The following KLHL32 variants were observed in gnomAD, a reference collection of about 807,000 sequenced individuals.
The protein encoded by KLHL32 is kelch like family member 32, also known as kelch-like protein 32.
A neutral mutation model predicts 64.8 loss-of-function variants in KLHL32; 35 were observed. The observed-to-expected ratio is 0.54, with a 90% confidence interval of 0.41 to 0.72. The LOEUF (loss-of-function observed/expected upper bound fraction) is 0.72, where lower values mean the gene tolerates loss of function less well. Among genes scored for constraint, KLHL32 ranks in the 30% least tolerant of loss-of-function variants. The pLI is 0.00. For synonymous variants in KLHL32, 259 were observed against 281.0 expected (o/e 0.92, Z 0.78); for missense variants, 589 against 768.5 (o/e 0.77, Z 2.76).
intron 5 of KLHL32, among the ~76,000 whole-genome samples, chr6:97,077,866 A>G (rs1485966532): frequency 2.6e-5 from 4 of 152,234 alleles, no homozygotes; most frequent in Non-Finnish European, 1.5e-5. Flanking sequence ...ATTGTGCAGA[A>G]TACAAAAAGC....
rs188934186 is a variant in KLHL32, at chr6:97,038,454, C to T, written c.205-3038C>T. 5.3e-5 allele frequency among the ~76,000 whole-genome samples: 8 copies of T among 152,074 alleles called. No homozygotes were observed. The East Asian group carries it at 1.5e-3, about 29-fold the overall frequency. On this transcript the variant is annotated intron_variant, in intron 3 of 10. Transcript: ENST00000369261. ...GAGCATCAGAAGATGCAAATCAAAA[C>T]TACACTGAAATACCTCACCCCAGTT...
At chr6:96,985,859 T>C (rs1201231524) in intron 3 of KLHL32, among the ~76,000 whole-genome samples, 1 of 152,210 alleles carries the variant, frequency 6.6e-6, no homozygotes, top group African/African-American at 2.4e-5. Flanking sequence ...GTCTGAAGCC[T>C]TCTTGTCTCA....
chr6:97,068,951 G>A (rs1483806604), intron 5 of KLHL32, among the ~76,000 whole-genome samples: 1 of 152,214 alleles, frequency 6.6e-6, no homozygotes, highest in African/African-American at 2.4e-5. Flanking sequence ...GCAAGAGGAG[G>A]CGTGCTGCTG....
At chr6:96,909,217 C>T in the KLHL32 span, among the ~76,000 whole-genome samples, 1 of 152,002 alleles carries the variant, frequency 6.6e-6, no homozygotes. Context: ...AATTCGGCAT[C>T]CCTATCAGAA....
chr6:96,988,946 G>A (rs1777491806), intron 3 of KLHL32, among the ~76,000 whole-genome samples: 1 of 152,096 alleles, frequency 6.6e-6, no homozygotes. Flanking sequence ...ACACACTGGG[G>A]CCTGTTGTGG....
At chr6:97,060,582 A>G (rs1788716062) in intron 4 of KLHL32, among the ~76,000 whole-genome samples, 2 of 152,006 alleles carry the variant, frequency 1.3e-5, no homozygotes, top group Non-Finnish European at 2.9e-5. Flanking sequence ...TTCTGGCCCC[A>G]TATTCTGCCT....
chr6:97,069,255 T>C (rs1790314050), intron 5 of KLHL32, among the ~76,000 whole-genome samples: 1 of 152,160 alleles, frequency 6.6e-6, no homozygotes, highest in Non-Finnish European at 1.5e-5. Context: ...TGATGTTTAC[T>C]CAGCATCCCT....
the KLHL32 span, among the ~76,000 whole-genome samples, chr6:96,898,357 C>T: frequency 2.8e-4 from 42 of 152,258 alleles, no homozygotes; most frequent in African/African-American, 9.4e-4. Flanking sequence ...CCCTTTCCTG[C>T]TTTTGTGAAA....
intron 1 of KLHL32, among the ~76,000 whole-genome samples, chr6:96,939,120 C>T (rs1305019164): frequency 6.6e-6 from 1 of 152,150 alleles, no homozygotes; most frequent in Admixed American, 6.5e-5. Context: ...CTTGCATGGC[C>T]CGCCTCTCCC....
At chr6:96,958,606 C>T (rs1464089465) in intron 1 of KLHL32, among the ~76,000 whole-genome samples, 1 of 152,136 alleles carries the variant, frequency 6.6e-6, no homozygotes, top group Non-Finnish European at 1.5e-5. Flanking sequence ...ATCTCAACAG[C>T]TTTAAGTAGG....
chr6:97,070,288 T>C (rs1790501268), intron 5 of KLHL32, among the ~76,000 whole-genome samples: 1 of 152,194 alleles, frequency 6.6e-6, no homozygotes, highest in South Asian at 2.1e-4. Context: ...AGGGTGGAAA[T>C]GTATCAGACC....
intron 1 of KLHL32, among the ~76,000 whole-genome samples, chr6:96,958,164 AGAAT>A (rs1582476736): frequency 6.6e-6 from 1 of 152,242 alleles, no homozygotes; most frequent in African/African-American, 2.4e-5. Flanking sequence ...TAACCATTCC[AGAAT>A]GAATGATCAC....
At chr6:97,018,446 A>G (rs1781532251) in intron 3 of KLHL32, among the ~76,000 whole-genome samples, 1 of 148,402 alleles carries the variant, frequency 6.7e-6, no homozygotes, top group Admixed American at 6.7e-5. Flanking sequence ...AAAAAAAATT[A>G]TCTGGGCGTG....
chr6:96,967,581 C>T (rs1239379755), intron 2 of KLHL32, among the ~76,000 whole-genome samples: 1 of 152,012 alleles, frequency 6.6e-6, no homozygotes, highest in Non-Finnish European at 1.5e-5. Flanking sequence ...AAAATGCTCA[C>T]AACATTTCCT....
upstream of KLHL32, among the ~76,000 whole-genome samples, chr6:96,923,917 G>C (rs966055691): frequency 6.6e-6 from 1 of 152,204 alleles, no homozygotes; most frequent in Non-Finnish European, 1.5e-5. Flanking sequence ...TTTTACACAG[G>C]AGTGACCTGA....
rs1197549518 is a variant in KLHL32, at chr6:96,988,478, A to G, written c.204+12301A>G. On this transcript the variant is annotated intron_variant, in intron 3 of 10. Coordinates refer to ENST00000369261, the MANE Select transcript of KLHL32 (RefSeq NM_052904.4). ...AACAGGTGCTGGAGAGGATGTGGAG[A>G]AATGGGAACACTTTTACACTGTTGG... Among the ~76,000 whole-genome samples the G allele has an allele frequency of 2.0e-5, 3 of 152,232 alleles. No individual in the cohort carries two copies. The East Asian group carries it at 5.8e-4, about 29-fold the overall frequency.
At chr6:97,117,442 C>T (rs1485709485) in intron 7 of KLHL32, among the ~76,000 whole-genome samples, 6 of 152,090 alleles carry the variant, frequency 3.9e-5, no homozygotes, top group African/African-American at 1.2e-4. Context: ...ACATTTCCAG[C>T]GTGCTCACTC....
At chr6:97,139,020 G>A in intron 10 of KLHL32, 101 bp from the exon 11 acceptor site, 1 of 1,077,970 alleles carries the variant, frequency 9.3e-7, no homozygotes, top group South Asian at 1.6e-5. Flanking sequence ...TGGTGATGGT[G>A]ACATAACTGA....
At chr6:96,958,106 A>C (rs1469099046) in intron 1 of KLHL32, among the ~76,000 whole-genome samples, 1 of 152,236 alleles carries the variant, frequency 6.6e-6, no homozygotes, top group Non-Finnish European at 1.5e-5. Context: ...ACAAAAGAGA[A>C]CAAATGGGAT....
Sources: allele counts gnomAD v4.1 joint callset (sites outside exome capture counted in the v4.1 genomes callset), GRCh38; gene constraint gnomAD v4.1.1; transcripts MANE v1.5; gene names NCBI Gene and HGNC (gene_info 2026-07-23, HGNC 2026-07-21).